PLCH1: variants seen among roughly 807,000 people sequenced by gnomAD.
The protein encoded by PLCH1 is phospholipase C eta 1, also known as 1-phosphatidylinositol 4,5-bisphosphate phosphodiesterase eta-1.
PLCH1 carries 60 observed loss-of-function variants against 126.7 expected under a neutral mutation model. The observed-to-expected ratio is 0.47, with a 90% CI of 0.38 to 0.59. PLCH1 has a LOEUF of 0.59. Ranked by LOEUF, PLCH1 falls within the 20% of genes least tolerant of loss-of-function variation. The pLI is 0.00. For synonymous variants in PLCH1, 719 were observed against 734.9 expected (o/e 0.98, Z 0.35); for missense variants, 1,723 against 2,040.0 (o/e 0.84, Z 2.99).
chr3:155,491,092 T>C, intron 18 of PLCH1, among the ~76,000 whole-genome samples: 1 of 152,168 alleles, frequency 6.6e-6, no homozygotes, highest in South Asian at 2.1e-4. Context: ...GCCAACAACT[T>C]TACCCACTGA....
intron 12 of PLCH1, among the ~76,000 whole-genome samples, chr3:155,513,240 A>G: frequency 6.6e-6 from 1 of 152,188 alleles, no homozygotes; most frequent in Non-Finnish European, 1.5e-5. Context: ...CCAAAACCAT[A>G]TTTTTAAAAC....
intron 1 of PLCH1, among the ~76,000 whole-genome samples, chr3:155,719,301 T>A (rs1301521812): frequency 1.3e-5 from 2 of 151,808 alleles, no homozygotes; most frequent in East Asian, 1.9e-4. Context: ...TCACTTAGAA[T>A]AATGTTCTCC....
Position 155,482,264 on chromosome 3 carries a change from C to T in PLCH1, c.3762G>A (p.Ser1254=), listed in dbSNP as rs1288658727. 3.1e-6 allele frequency: 5 copies of T among 1,614,086 alleles called. No individual in the cohort carries two copies. Among genetic ancestry groups the T allele is most frequent in the African/African-American group, 1.3e-5 (1 of 75,006 alleles). ...LCSSPELIAL[S]SSETTKHATN... ...TTGCATGTTTGGTGGTCTCAGAACT[C>T]GAGAGTGCTATCAGCTCCGGAGATG... The change falls in exon 23 of 23, where the codon TCG becomes TCA. Residue 1254 remains serine (S), a synonymous_variant. Transcript: ENST00000460012.
rs941659260 is a variant in PLCH1 at position 155,735,064 on chromosome 3, A to G, written c.-41+9776T>C. ...AAAAGAAGGAAATCCTATCATTTGC[A>G]ACATGGATGAACCTGGAGGACATTA... On this transcript the variant is annotated intron_variant, in intron 1 of 22. Transcript: ENST00000460012. Among the ~76,000 whole-genome samples the G allele has an allele frequency of 7.9e-5, 12 of 152,322 alleles. 1 individual carries two copies. The South Asian group carries it at 2.5e-3, about 32-fold the overall frequency.
intron 2 of PLCH1, chr3:155,657,728 G>A (rs1398704050): frequency 1.3e-5 from 2 of 152,168 alleles, no homozygotes. Context: ...GATTCATATA[G>A]TAAACAATAC....
intron 1 of PLCH1, among the ~76,000 whole-genome samples, chr3:155,713,098 T>A (rs897386992): frequency 2.0e-5 from 3 of 151,388 alleles, no homozygotes; most frequent in African/African-American, 7.3e-5. Context: ...TGACTCCAAA[T>A]CCACTGTCCC....
chr3:155,719,689 TA>T (rs200614974), intron 1 of PLCH1, among the ~76,000 whole-genome samples: 315 of 142,452 alleles, frequency 2.2e-3, no homozygotes, highest in Admixed American at 3.5e-3. Flanking sequence ...TTTGTTTTAG[TA>T]AAAAAAAAAA....
intron 1 of PLCH1, among the ~76,000 whole-genome samples, chr3:155,726,690 T>A (rs572088886): frequency 6.6e-6 from 1 of 150,628 alleles, no homozygotes; most frequent in Non-Finnish European, 1.5e-5. Flanking sequence ...AAAATTTTGT[T>A]CAGATTCTTT....
intron 1 of PLCH1, among the ~76,000 whole-genome samples, chr3:155,712,782 G>A (rs1428277514): frequency 6.6e-6 from 1 of 151,436 alleles, no homozygotes; most frequent in Non-Finnish European, 1.5e-5. Flanking sequence ...TGGGAAGAAG[G>A]GGCCCTTTTT....
intron 2 of PLCH1, among the ~76,000 whole-genome samples, chr3:155,654,856 T>A (rs552974915): frequency 1.3e-5 from 2 of 152,158 alleles, no homozygotes; most frequent in Non-Finnish European, 2.9e-5. Context: ...TGGCTTCCAA[T>A]TACCCTTAGG....
At chr3:155,648,213 A>G (rs1292119804) in intron 2 of PLCH1, among the ~76,000 whole-genome samples, 1 of 152,208 alleles carries the variant, frequency 6.6e-6, no homozygotes, top group Non-Finnish European at 1.5e-5. Context: ...CCAGGGAACA[A>G]TAGTAGTAGT....
intron 21 of PLCH1, among the ~76,000 whole-genome samples, chr3:155,454,586 C>T (rs1017525278): frequency 6.6e-6 from 1 of 152,192 alleles, no homozygotes; most frequent in Non-Finnish European, 1.5e-5. Context: ...TCTGATTGGA[C>T]AGTTTCAAAT....
chr3:155,522,431 A>C (rs1222302780), intron 11 of PLCH1, among the ~76,000 whole-genome samples: 1 of 152,220 alleles, frequency 6.6e-6, no homozygotes, highest in East Asian at 1.9e-4. Flanking sequence ...AACTATTAAA[A>C]GGCAAGAGAA....
In PLCH1 at chr3:155,508,756, C is replaced by T. The variant is rs1179767675; in HGVS notation, c.1633-4130G>A. Among the ~76,000 whole-genome samples, 3 of 93,066 alleles carry T rather than the reference C, an allele frequency of 3.2e-5. 1 individual carries two copies. The highest frequency in any genetic ancestry group is 5.1e-5 in the African/African-American group (1 of 19,610). 61.1% of individuals were successfully genotyped at this position (93,066 alleles called of 152,430 possible). ...TGATGTGCTGCTGGATTCGGTTTGC[C>T]AGTATTTTATTGAGGATTTTTGCAT... On this transcript the variant is annotated intron_variant, in intron 12 of 22. Coordinates refer to ENST00000460012, the MANE Select transcript of PLCH1 (RefSeq NM_014996.4).
chr3:155,569,397 G>T (rs1203949117), intron 6 of PLCH1, among the ~76,000 whole-genome samples: 35 of 151,976 alleles, frequency 2.3e-4, no homozygotes, highest in Admixed American at 2.2e-3. Flanking sequence ...ATTTAAACTG[G>T]GGGTGAAGCA....
chr3:155,690,399 T>C (rs2109039055), intron 2 of PLCH1, among the ~76,000 whole-genome samples: 1 of 152,350 alleles, frequency 6.6e-6, no homozygotes, highest in Middle Eastern at 3.4e-3. Flanking sequence ...TAGCATAATG[T>C]TTGCAAAAAT....
intron 10 of PLCH1, among the ~76,000 whole-genome samples, chr3:155,525,544 C>A (rs1213840356): frequency 1.3e-5 from 2 of 152,178 alleles, no homozygotes; most frequent in African/African-American, 2.4e-5. Context: ...GGAACTAAGA[C>A]AACAACAAGC....
intron 2 of PLCH1, among the ~76,000 whole-genome samples, chr3:155,696,777 A>G (rs1253004635): frequency 6.6e-6 from 1 of 152,216 alleles, no homozygotes; most frequent in Non-Finnish European, 1.5e-5. Context: ...GGTATTCCCA[A>G]GCATAAAGGA....
At chr3:155,528,353 A>G (rs1375753386) in intron 10 of PLCH1, among the ~76,000 whole-genome samples, 1 of 152,224 alleles carries the variant, frequency 6.6e-6, no homozygotes, top group African/African-American at 2.4e-5. Flanking sequence ...AGCTCCTAAA[A>G]ATCAGTTTTT....
Sources: allele counts gnomAD v4.1 joint callset (sites outside exome capture counted in the v4.1 genomes callset), GRCh38; gene constraint gnomAD v4.1.1; transcripts MANE v1.5; gene names NCBI Gene and HGNC (gene_info 2026-07-23, HGNC 2026-07-21).